The following WDR37 variants were observed in gnomAD, a reference collection of about 807,000 sequenced individuals.
WDR37 encodes WD repeat domain 37, also known as WD repeat-containing protein 37.
Under a neutral mutation model 62.9 loss-of-function variants are expected in WDR37, and 19 were observed. The observed-to-expected ratio is 0.30, with a 90% CI of 0.21 to 0.44. The LOEUF is 0.44. Ranked by LOEUF, WDR37 falls within the 20% of genes least tolerant of loss-of-function variation. The pLI is 1.00. For synonymous variants in WDR37, 250 were observed against 260.9 expected (o/e 0.96, Z 0.40); for missense variants, 474 against 657.6 (o/e 0.72, Z 3.05).
chr10:1,114,563 A>G (rs1835326431), intron 11 of WDR37, among the ~76,000 whole-genome samples: 1 of 152,214 alleles, frequency 6.6e-6, no homozygotes, highest in Non-Finnish European at 1.5e-5. Context: ...AGACTACAGG[A>G]TGGTGTGGCT....
At chr10:1,124,495 A>T (rs1835678395) in intron 12 of WDR37, 143 bp downstream of exon 12, 1 of 1,237,336 alleles carries the variant, frequency 8.1e-7, no homozygotes, top group Non-Finnish European at 1.1e-6. Flanking sequence ...ATGCAGTTTC[A>T]GTATTCCATG....
intron 1 of WDR37, among the ~76,000 whole-genome samples, chr10:1,064,466 G>T (rs573712863): frequency 1.1e-4 from 16 of 150,372 alleles, no homozygotes; most frequent in Non-Finnish European, 4.4e-5. Context: ...ACCCAGAGAA[G>T]ATAAACACAA....
chr10:1,100,625 C>T (rs1029758511), intron 9 of WDR37, among the ~76,000 whole-genome samples: 3 of 152,208 alleles, frequency 2.0e-5, no homozygotes, highest in Admixed American at 6.5e-5. Flanking sequence ...GATAAGGAAG[C>T]GTTTGGGTGG....
chr10:1,087,555 A>C (rs1368801235), intron 7 of WDR37, among the ~76,000 whole-genome samples: 3 of 152,228 alleles, frequency 2.0e-5, no homozygotes, highest in African/African-American at 7.2e-5. Flanking sequence ...TCTCCATCAG[A>C]GCTCTTAGGT....
rs769805476 is a variant in WDR37, at chr10:1,103,584, C to T, written c.727-18C>T. The T allele has an allele frequency of 1.2e-6, 2 of 1,610,296 alleles. No homozygotes were observed. Among genetic ancestry groups the T allele is most frequent in the Admixed American group, 1.7e-5 (1 of 59,998 alleles). Reference sequence around the variant, plus strand: ...TCCAGGAAATGTCTTTCTTTTCTGGCCTTCCCTTTGGCAGCAGATATCTGG... The same window carrying T: ...TCCAGGAAATGTCTTTCTTTTCTGGTCTTCCCTTTGGCAGCAGATATCTGG... On this transcript the variant is annotated intron_variant, in intron 9 of 13. Transcript: ENST00000263150. The surrounding 1 kb of genome is among the most constrained non-coding windows in gnomAD (Gnocchi z 6.3).
chr10:1,093,601 G>A, intron 8 of WDR37, 105 bp downstream of exon 8: 2 of 972,282 alleles, frequency 2.1e-6, no homozygotes, highest in Non-Finnish European at 1.5e-6. Flanking sequence ...TTTTATGAAA[G>A]TTAATCTTTA....
chr10:1,100,362 C>A lies in WDR37; in HGVS notation c.727-3240C>A, dbSNP rs539075354. Among the ~76,000 whole-genome samples, 115 of 152,322 alleles carry A rather than the reference C, an allele frequency of 7.5e-4. 2 individuals are homozygous for A. The highest frequency in any genetic ancestry group is 5.3e-3 in the Admixed American group (81 of 15,300). On this transcript the variant is annotated intron_variant, in intron 9 of 13. Transcript: ENST00000263150. Reference sequence around the variant, plus strand: ...CAGCCTGTGGACGGCCAGGTCCCTGCAGAAATGGCGTGGGAGGCTCCTTCC... The same window carrying A: ...CAGCCTGTGGACGGCCAGGTCCCTGAAGAAATGGCGTGGGAGGCTCCTTCC...
In WDR37 at chr10:1,130,666, A is replaced by G. The variant is rs1403210100; in HGVS notation, c.*1322A>G. 1.3e-5 allele frequency: 2 copies of G among 152,264 alleles called. No homozygotes were observed. Among genetic ancestry groups the G allele is most frequent in the African/African-American group, 4.8e-5 (2 of 41,460 alleles). 9.4% of individuals were successfully genotyped at this position (152,264 alleles called of 1,614,324 possible). A position where few individuals can be genotyped will look rare whatever the true frequency, so the allele number is the denominator to read the frequency against. ...CTGGAGGCTCACCACTTGGAGAGAC[A>G]CAGGAAGGTAATATTTACAGCTGTC... On this transcript the variant is annotated 3_prime_UTR_variant, in exon 14 of 14. Transcript: ENST00000263150.
chr10:1,073,934 C>T (rs1054206256), intron 2 of WDR37, among the ~76,000 whole-genome samples: 3 of 152,160 alleles, frequency 2.0e-5, no homozygotes, highest in African/African-American at 7.2e-5. Flanking sequence ...GGCCTGTGGA[C>T]CCCGTTCAAC....
chr10:1,103,689 G>T lies in WDR37; in HGVS notation c.814G>T (p.Val272Phe). The change falls in exon 10 of 14, where the codon GTC becomes TTC. Residue 272 changes from valine to phenylalanine, a missense_variant. By Grantham distance (50) the Val-to-Phe change is conservative (BLOSUM62 -1). Coordinates refer to ENST00000263150, the MANE Select transcript of WDR37 (RefSeq NM_014023.4). The surrounding 1 kb of genome is among the most constrained non-coding windows in gnomAD (Gnocchi z 6.3). ...GTCCAGCGACTGCCCCACCATCCGC[G>T]TCCCACTGACATCCCTCAAGAGCCA... Reference protein sequence around the residue: ...DVSSDCPTIRVPLTSLKSHQG... With the variant: ...DVSSDCPTIRFPLTSLKSHQG... The T allele has an allele frequency of 6.2e-7, 1 of 1,614,228 alleles. No individual in the cohort carries two copies.
intron 5 of WDR37, 140 bp downstream of exon 5, chr10:1,080,616 A>C: frequency 1.0e-6 from 1 of 1,004,258 alleles, no homozygotes; most frequent in Non-Finnish European, 1.5e-6. Flanking sequence ...TTTTTAAAGG[A>C]ATGTCCTGGC....
intron 11 of WDR37, among the ~76,000 whole-genome samples, chr10:1,122,062 C>T (rs774268166): frequency 1.8e-4 from 27 of 152,028 alleles, no homozygotes; most frequent in Non-Finnish European, 2.9e-4. Flanking sequence ...TTTGTGACTG[C>T]GTGGTGCTTC....
chr10:1,092,322 T>G (rs1317529859), intron 7 of WDR37, among the ~76,000 whole-genome samples: 1 of 151,806 alleles, frequency 6.6e-6, no homozygotes, highest in Admixed American at 6.6e-5. Context: ...CAAGACCCGG[T>G]CTCTACTAAA....
At chr10:1,108,427 C>T (rs1027693609) in intron 11 of WDR37, among the ~76,000 whole-genome samples, 2 of 152,216 alleles carry the variant, frequency 1.3e-5, no homozygotes, top group South Asian at 2.1e-4. Flanking sequence ...TGCCCCTCTG[C>T]TGTGCTATTG....
chr10:1,102,231 C>T (rs1488882390), intron 9 of WDR37, among the ~76,000 whole-genome samples: 60 of 139,206 alleles, frequency 4.3e-4, no homozygotes, highest in Non-Finnish European at 7.6e-4. Context: ...GTCCCTGCGA[C>T]GTGCGATCCC....
chr10:1,129,861 A>G lies in WDR37; in HGVS notation c.*517A>G, dbSNP rs1052983410. On this transcript the variant is annotated 3_prime_UTR_variant, in exon 14 of 14. Transcript: ENST00000263150. ...TGTCGTGTAGTCAGCTTCTACTCTA[A>G]TTTCTGTTACAGTTCTGCAAAGGTA... The G allele has an allele frequency of 2.0e-5, 3 of 152,268 alleles. No homozygotes were observed. Among genetic ancestry groups the G allele is most frequent in the African/African-American group, 7.2e-5 (3 of 41,390 alleles). The allele number at this position is 152,268 out of a possible 1,614,324, so 9.4% of individuals were successfully genotyped here.
At chr10:1,081,047 A>G (rs1375749027) in intron 5 of WDR37, among the ~76,000 whole-genome samples, 2 of 152,214 alleles carry the variant, frequency 1.3e-5, no homozygotes, top group Non-Finnish European at 2.9e-5. Context: ...TTGGCTTAAT[A>G]TAAAGGGTCT....
chr10:1,059,754 G>T (rs1435696655), intron 1 of WDR37, among the ~76,000 whole-genome samples: 1 of 152,042 alleles, frequency 6.6e-6, no homozygotes, highest in Non-Finnish European at 1.5e-5. Context: ...TCGAGATCGC[G>T]CCACTGCACT....
chr10:1,076,703 C>T (rs1239380594), intron 2 of WDR37, among the ~76,000 whole-genome samples: 2 of 141,204 alleles, frequency 1.4e-5, no homozygotes, highest in Admixed American at 7.4e-5. Flanking sequence ...AAGTTTACGA[C>T]TCATCAGAAT....
Sources: gnomAD v4.1 joint callset for allele counts (sites outside exome capture counted in the v4.1 genomes callset) on GRCh38, gnomAD v4.1.1 for gene constraint, Gnocchi (gnomAD v3.1) non-coding constraint, MANE v1.5 for transcripts, NCBI Gene and HGNC (gene_info 2026-07-23, HGNC 2026-07-21) for gene names.